Variants in FBXO42 observed in about 807,000 individuals in gnomAD.
The protein encoded by FBXO42 is F-box protein 42.
FBXO42 carries 12 observed loss-of-function variants against 71.7 expected under a neutral mutation model. The ratio of observed to expected loss-of-function variants is 0.17; its 90% CI spans 0.11 to 0.27. The LOEUF (loss-of-function observed/expected upper bound fraction) is 0.27, where lower values mean the gene tolerates loss of function less well. Among genes scored for constraint, FBXO42 ranks in the 10% least tolerant of loss-of-function variants. The pLI is 1.00. For missense variants in FBXO42, 707 were observed against 911.9 expected, an observed-to-expected ratio of 0.78 and a Z score of 2.89; for synonymous variants, 325 against 327.5, an observed-to-expected ratio of 0.99 and a Z score of 0.08.
At chr1:16,351,633 C>T (rs1053454473) in intron 1 of FBXO42, among the ~76,000 whole-genome samples, 1 of 152,172 alleles carries the variant, frequency 6.6e-6, no homozygotes, top group Admixed American at 6.6e-5. Flanking sequence ...TTCGTTCCCA[C>T]CCTCCACCGT....
At position 16,249,064 on chromosome 1, in the gene FBXO42, G is replaced by A. The variant is rs1178521174; in HGVS notation, c.*1606C>T. On this transcript the variant is annotated 3_prime_UTR_variant, in exon 10 of 10. Coordinates refer to ENST00000375592, the MANE Select transcript of FBXO42 (RefSeq NM_018994.3). ...TGAGAAACGCTAATAATAAAAAGAG[G>A]AGTGTCAGGGTGGCAAGGTGATGTT... 1 of 152,254 alleles carries A rather than the reference G, an allele frequency of 6.6e-6. No homozygotes were observed. The highest frequency in any genetic ancestry group is 1.5e-5 in the Non-Finnish European group (1 of 68,046). 9.4% of individuals were successfully genotyped at this position (152,254 alleles called of 1,614,324 possible).
intron 2 of FBXO42, among the ~76,000 whole-genome samples, chr1:16,311,207 G>T (rs1261334653): frequency 6.7e-6 from 1 of 149,458 alleles, no homozygotes; most frequent in Non-Finnish European, 1.5e-5. Context: ...CAAAGGCCTG[G>T]CATGGTGGCT....
At chr1:16,277,373 T>TC (rs2081915233) in intron 4 of FBXO42, among the ~76,000 whole-genome samples, 1 of 152,146 alleles carries the variant, frequency 6.6e-6, no homozygotes. Context: ...AATACATCAT[T>TC]CTTTTTTTTT....
At chr1:16,301,087 T>C (rs969888986) in intron 3 of FBXO42, among the ~76,000 whole-genome samples, 1 of 151,780 alleles carries the variant, frequency 6.6e-6, no homozygotes, top group Non-Finnish European at 1.5e-5. Context: ...TTAGTGGAGA[T>C]AGGGTTTCAC....
At chr1:16,347,082 T>C (rs2082659951) in intron 1 of FBXO42, among the ~76,000 whole-genome samples, 1 of 152,078 alleles carries the variant, frequency 6.6e-6, no homozygotes, top group Non-Finnish European at 1.5e-5. Context: ...ACTATTGCCA[T>C]ATATAATAAC....
chr1:16,328,322 T>C (rs2100602564), intron 1 of FBXO42, among the ~76,000 whole-genome samples: 1 of 152,290 alleles, frequency 6.6e-6, no homozygotes, highest in Non-Finnish European at 1.5e-5. Flanking sequence ...TCTATAAAAC[T>C]AAAGGCAAAA....
At chr1:16,336,818 T>C (rs2082557199) in intron 1 of FBXO42, among the ~76,000 whole-genome samples, 1 of 151,902 alleles carries the variant, frequency 6.6e-6, no homozygotes, top group South Asian at 2.1e-4. Context: ...ACCCCGTCTC[T>C]ACTAAAAAAT....
rs190967578 is a variant in FBXO42 at position 16,307,225 on chromosome 1, G to A, written c.251-1306C>T. ...TTTTCTAAAAGATGAGAGGCCAGGC[G>A]CAGTGGCTCACACCTGTAATCCCAG... On this transcript the variant is annotated intron_variant, in intron 2 of 9. Coordinates refer to ENST00000375592, the MANE Select transcript of FBXO42 (RefSeq NM_018994.3). Among the ~76,000 whole-genome samples, 1,117 of 152,230 alleles carry A rather than the reference G, an allele frequency of 7.3e-3. 12 individuals are homozygous for A. Among genetic ancestry groups the A allele is most frequent in the Middle Eastern group, 0.014 (4 of 294 alleles).
chr1:16,293,293 G>GT (rs953163375), intron 4 of FBXO42: 1 of 152,176 alleles, frequency 6.6e-6, no homozygotes, highest in Non-Finnish European at 1.5e-5. Flanking sequence ...GCTAATTTTT[G>GT]TATTTTTAGG....
chr1:16,253,158 G>T lies in FBXO42; in HGVS notation c.865-6C>A. On this transcript the variant is annotated splice_region_variant and splice_polypyrimidine_tract_variant and intron_variant, in intron 7 of 9. Transcript: ENST00000375592. ...GTTGCATCATCTATGACAATCTGAGGAGGGGAAGACATTGAAAATAAACCT... is the reference window on the plus strand; with the variant it reads ...GTTGCATCATCTATGACAATCTGAGTAGGGGAAGACATTGAAAATAAACCT... 1 of 1,612,470 alleles carries T rather than the reference G, an allele frequency of 6.2e-7. No homozygotes were observed. Among genetic ancestry groups the T allele is most frequent in the Non-Finnish European group, 8.5e-7 (1 of 1,179,406 alleles).
chr1:16,265,338 G>T (rs545346298), intron 4 of FBXO42, among the ~76,000 whole-genome samples: 1 of 152,160 alleles, frequency 6.6e-6, no homozygotes, highest in East Asian at 1.9e-4. Context: ...TGGTCCTCCC[G>T]TCTTGGCCCC....
chr1:16,335,063 C>CAAAA (rs55983316), intron 1 of FBXO42, among the ~76,000 whole-genome samples: 2,922 of 68,998 alleles, frequency 0.042, 592 homozygotes, highest in East Asian at 0.12. Flanking sequence ...CTCGTCTGTA[C>CAAAA]AAAAAAAAAA....
At chr1:16,284,516 T>A (rs1056490262) in intron 4 of FBXO42, among the ~76,000 whole-genome samples, 1 of 152,094 alleles carries the variant, frequency 6.6e-6, no homozygotes, top group Non-Finnish European at 1.5e-5. Context: ...TCAGCATACA[T>A]GTATGCTATA....
At chr1:16,292,717 A>G (rs1327423595) in intron 4 of FBXO42, 1 of 152,256 alleles carries the variant, frequency 6.6e-6, no homozygotes, top group African/African-American at 2.4e-5. Context: ...CTCCATTTTA[A>G]CAAGAAAGAG....
chr1:16,345,668 T>A (rs1569955009), intron 1 of FBXO42, among the ~76,000 whole-genome samples: 1 of 151,354 alleles, frequency 6.6e-6, no homozygotes, highest in Non-Finnish European at 1.5e-5. Context: ...GCTAACAAGG[T>A]GAAACCCTGT....
intron 7 of FBXO42, 31 bp from the exon 8 acceptor site, chr1:16,253,183 T>C: frequency 6.2e-7 from 1 of 1,600,976 alleles, no homozygotes; most frequent in Non-Finnish European, 8.5e-7. Flanking sequence ...AAAATAAACC[T>C]ACAAAGACAC....
chr1:16,277,216 C>T (rs75497904), intron 4 of FBXO42, among the ~76,000 whole-genome samples: 3,643 of 152,234 alleles, frequency 0.024, 144 homozygotes, highest in African/African-American at 0.083. Context: ...GTCTGATATT[C>T]AGCAGTTAAT....
intron 3 of FBXO42, among the ~76,000 whole-genome samples, chr1:16,298,508 G>C (rs2082155924): frequency 6.6e-6 from 1 of 151,962 alleles, no homozygotes; most frequent in Non-Finnish European, 1.5e-5. Context: ...AATGTCCTAT[G>C]AGTTATTTAT....
chr1:16,272,241 G>T (rs980012173), intron 4 of FBXO42, among the ~76,000 whole-genome samples: 1 of 150,340 alleles, frequency 6.7e-6, no homozygotes, highest in Non-Finnish European at 1.5e-5. Context: ...CCACAGAGAC[G>T]CAAACTATAA....
Sources: allele counts gnomAD v4.1 joint callset (sites outside exome capture counted in the v4.1 genomes callset), GRCh38; gene constraint gnomAD v4.1.1; transcripts MANE v1.5; gene names NCBI Gene and HGNC (gene_info 2026-07-23, HGNC 2026-07-21).